Variants in PLCXD1 observed in about 807,000 individuals in gnomAD.
The protein encoded by PLCXD1 is phosphatidylinositol specific phospholipase C X domain containing 1.
PLCXD1 carries 45 observed loss-of-function variants against 37.8 expected under a neutral mutation model. The observed-to-expected ratio is 1.19, with a 90% CI of 0.94 to 1.53. PLCXD1 has a LOEUF of 1.53. Among genes scored for constraint, PLCXD1 ranks in the 40% most tolerant of loss-of-function variants. The probability of loss-of-function intolerance (pLI) is 0.00; values close to 1 mark genes in which losing one functional copy is unlikely to be tolerated. For synonymous variants in PLCXD1, 246 were observed against 206.9 expected (o/e 1.19, Z -1.62); for missense variants, 539 against 454.7 (o/e 1.19, Z -1.69).
rs920731593 is a variant in PLCXD1 at position 299,661 on chromosome X, G to A, written c.*326G>A. Reference sequence around the variant, plus strand: ...AGTCCCAGTTACTCGGGAGGCTCAGGCAGGAGAACTGCTTGAAGCCGGGAG... The same window carrying A: ...AGTCCCAGTTACTCGGGAGGCTCAGACAGGAGAACTGCTTGAAGCCGGGAG... On this transcript the variant is annotated 3_prime_UTR_variant, in exon 7 of 7. Transcript: ENST00000381657. 3.3e-5 allele frequency: 15 copies of A among 452,754 alleles called. No individual in the cohort carries two copies. The Admixed American group carries it at 4.6e-4, about 14-fold the overall frequency. The allele number at this position is 452,754 out of a possible 1,614,324, so 28.0% of individuals were successfully genotyped here. A position where few individuals can be genotyped will look rare whatever the true frequency, so the allele number is the denominator to read the frequency against.
At chrX:299,016 C>G (rs1246256737) in intron 6 of PLCXD1, 81 bp from the exon 7 acceptor site, 2 of 1,051,862 alleles carry the variant, frequency 1.9e-6, no homozygotes, top group African/African-American at 1.6e-5. Flanking sequence ...AGATGCGAAC[C>G]TCTAATAATG....
intron 1 of PLCXD1, among the ~76,000 whole-genome samples, chrX:282,221 A>T (rs966102862): frequency 2.4e-4 from 36 of 152,196 alleles, no homozygotes; most frequent in Non-Finnish European, 4.0e-4. Context: ...AATGATTAAA[A>T]ATCTTACATA....
chrX:280,422 ACGTGCAGGGGGAGGGGAGGC>A (rs1181198545), upstream of PLCXD1, among the ~76,000 whole-genome samples: 11 of 49,896 alleles, frequency 2.2e-4, no homozygotes, highest in South Asian at 1.1e-3. Context: ...AGAGGGGAAG[ACGTGCAGGGGGAGGGGAGGC>A]CGTGCAGGAG....
In PLCXD1 at chrX:299,370, C is replaced by T; in HGVS notation, c.*35C>T. 4 of 1,428,074 alleles carry T rather than the reference C, an allele frequency of 2.8e-6. No homozygotes were observed. Among genetic ancestry groups the T allele is most frequent in the Non-Finnish European group, 4.0e-6 (4 of 1,010,748 alleles). The allele number at this position is 1,428,074 out of a possible 1,614,324, so 88.5% of individuals were successfully genotyped here. On this transcript the variant is annotated 3_prime_UTR_variant, in exon 7 of 7. Coordinates refer to ENST00000381657, the MANE Select transcript of PLCXD1 (RefSeq NM_018390.4). ...TCTGAAGTTCGGGACGCGGCGGCTG[C>T]AGTTTCACCCCCGAATTTCCAAGTA... is the stretch of plus-strand genomic sequence containing the variant.
At position 299,144 on chromosome X, in the gene PLCXD1, G is replaced by C. The variant is rs368117410; in HGVS notation, c.781G>C (p.Val261Leu). The C allele has an allele frequency of 1.2e-6, 2 of 1,613,826 alleles. No homozygotes were observed. The highest frequency in any genetic ancestry group is 1.3e-5 in the African/African-American group (1 of 74,916). The change falls in exon 7 of 7, where the codon GTT becomes CTT. Residue 261 changes from valine to leucine, a missense_variant. Transcript: ENST00000381657. Reference protein sequence around the residue: ...GINLTENLQYVLAHPSESLEK... With the variant: ...GINLTENLQYLLAHPSESLEK... ...CAACCTCACGGAGAACCTGCAGTAC[G>C]TTCTGGCGCACCCGTCCGAGTCCCT...
upstream of PLCXD1, among the ~76,000 whole-genome samples, chrX:280,040 G>T (rs1232897661): frequency 2.0e-5 from 3 of 152,146 alleles, no homozygotes; most frequent in Admixed American, 2.0e-4. Context: ...CCAGTGATGG[G>T]GTTTTGCCAT....
chrX:280,050 T>C (rs947979359), upstream of PLCXD1, among the ~76,000 whole-genome samples: 1 of 152,162 alleles, frequency 6.6e-6, no homozygotes, highest in African/African-American at 2.4e-5. Flanking sequence ...GGTTTTGCCA[T>C]GTTGGCCAGG....
chrX:291,518 C>CGGAGTGGCT lies in PLCXD1; in HGVS notation c.418_426dup (p.Trp140_Glu142dup). Reference sequence around the variant, plus strand: ...CCCCAGGACACACTCACGGAAATCTCGGAGTGGCTGGAGCGGCATCCACGC... The same window carrying CGGAGTGGCT: ...CCCCAGGACACACTCACGGAAATCTCGGAGTGGCTGGAGTGGCTGGAGCGGCATCCACGC... On this transcript the variant is annotated inframe_insertion, in exon 5 of 7. Transcript: ENST00000381657. 1 of 1,612,756 alleles carries CGGAGTGGCT rather than the reference C, an allele frequency of 6.2e-7. No homozygotes were observed. The highest frequency in any genetic ancestry group is 8.5e-7 in the Non-Finnish European group (1 of 1,179,844).
intron 4 of PLCXD1, 67 bp from the exon 5 acceptor site, chrX:291,432 C>A (rs1423996137): frequency 3.2e-6 from 5 of 1,566,722 alleles, no homozygotes; most frequent in Middle Eastern, 4.6e-4. Flanking sequence ...AGGCGTGAGC[C>A]GCCACACCCC....
At position 291,502 on chromosome X, in the gene PLCXD1, A is replaced by C; in HGVS notation, c.397A>C (p.Thr133Pro). 1 of 1,612,354 alleles carries C rather than the reference A, an allele frequency of 6.2e-7. No homozygotes were observed. The highest frequency in any genetic ancestry group is 8.5e-7 in the Non-Finnish European group (1 of 1,179,816). The change falls in exon 5 of 7, where the codon ACA (threonine) becomes CCA (proline). Residue 133 changes from threonine to proline, a missense_variant. By Grantham distance (38) the Thr-to-Pro change is conservative. Coordinates refer to ENST00000381657, the MANE Select transcript of PLCXD1 (RefSeq NM_018390.4). The part of the protein sequence containing the change: ...MVYTTALVED[T>P]LTEISEWLER... ...AGCCCAGCACCCCCCTCCCCAGGAC[A>C]CACTCACGGAAATCTCGGAGTGGCT... is the stretch of plus-strand genomic sequence containing the variant.
At chrX:294,933 T>C (rs1378043635) in intron 6 of PLCXD1, among the ~76,000 whole-genome samples, 1 of 152,028 alleles carries the variant, frequency 6.6e-6, no homozygotes, top group Non-Finnish European at 1.5e-5. Context: ...CCCACCACTT[T>C]GGGAGGCCGA....
At chrX:292,998 T>C (rs765141446) in intron 5 of PLCXD1, 37 bp from the exon 6 acceptor site, 22 of 1,505,286 alleles carry the variant, frequency 1.5e-5, no homozygotes, top group Non-Finnish European at 2.0e-5. Context: ...CCGGCTCTCC[T>C]CTCTCCCCTG....
Position 300,544 on chromosome X carries a change from ATATG to A in PLCXD1, c.*1211_*1214del, listed in dbSNP as rs2069979643. 1 of 95,404 alleles carries A rather than the reference ATATG, an allele frequency of 1.0e-5. No homozygotes were observed. The highest frequency in any genetic ancestry group is 5.8e-5 in the African/African-American group (1 of 17,120). The allele number at this position is 95,404 out of a possible 1,614,324, so 5.9% of individuals were successfully genotyped here. On this transcript the variant is annotated 3_prime_UTR_variant, in exon 7 of 7. Coordinates refer to ENST00000381657, the MANE Select transcript of PLCXD1 (RefSeq NM_018390.4). Reference sequence around the variant, plus strand: ...TGTGTATACGTGTATGCATACATGTATATGTGTATGCATGTATATGTGTATGTGT... The same window carrying A: ...TGTGTATACGTGTATGCATACATGTATGTATGCATGTATATGTGTATGTGT...
intron 2 of PLCXD1, among the ~76,000 whole-genome samples, chrX:284,991 A>G (rs1168123945): frequency 6.6e-6 from 1 of 152,132 alleles, no homozygotes; most frequent in African/African-American, 2.4e-5. Flanking sequence ...CTCCCATGAC[A>G]GATGGGAATT....
At chrX:298,926 G>T (rs1181546897) in intron 6 of PLCXD1, among the ~76,000 whole-genome samples, 171 bp from the exon 7 acceptor site, 1 of 152,128 alleles carries the variant, frequency 6.6e-6, no homozygotes, top group Non-Finnish European at 1.5e-5. Context: ...CTTTGGGGTT[G>T]TCTACTGCCC....
chrX:282,920 G>A (rs943897571), intron 1 of PLCXD1, among the ~76,000 whole-genome samples: 84 of 137,050 alleles, frequency 6.1e-4, no homozygotes, highest in Non-Finnish European at 9.1e-4. Context: ...ATGTATATAT[G>A]TTATACATGT....
At chrX:290,616 C>T in intron 3 of PLCXD1, 32 bp from the exon 4 acceptor site, 1 of 1,612,192 alleles carries the variant, frequency 6.2e-7, no homozygotes, top group Middle Eastern at 1.8e-4. Flanking sequence ...GGCGCTCAGC[C>T]AGGCAGACAT....
At chrX:293,431 C>G (rs1396395215) in intron 6 of PLCXD1, among the ~76,000 whole-genome samples, 1 of 152,196 alleles carries the variant, frequency 6.6e-6, no homozygotes, top group African/African-American at 2.4e-5. Context: ...TGAGACCAGC[C>G]TGGCCAACAT....
chrX:280,150 C>T (rs1410423288), upstream of PLCXD1, among the ~76,000 whole-genome samples: 3 of 152,210 alleles, frequency 2.0e-5, no homozygotes, highest in East Asian at 1.9e-4. Flanking sequence ...AGCCAGCGGG[C>T]CCCGCCCAGA....
Sources: allele counts gnomAD v4.1 joint callset (sites outside exome capture counted in the v4.1 genomes callset), GRCh38; gene constraint gnomAD v4.1.1; transcripts MANE v1.5; gene names NCBI Gene and HGNC (gene_info 2026-07-23, HGNC 2026-07-21).